The following FHIT variants were observed in gnomAD, a reference collection of about 807,000 sequenced individuals.
The protein encoded by FHIT is bis(5'-adenosyl)-triphosphatase.
In FHIT, 19 loss-of-function variants were observed where a neutral mutation model predicts 17.9. The ratio of observed to expected loss-of-function variants is 1.06; its 90% confidence interval spans 0.74 to 1.56. The LOEUF (loss-of-function observed/expected upper bound fraction) is 1.56, where lower values mean the gene tolerates loss of function less well. FHIT is among the 40% of genes most tolerant of loss of function. The pLI is 0.00. For missense variants in FHIT, 248 were observed against 189.2 expected (o/e 1.31, Z -1.82); for synonymous variants, 81 against 69.7 (o/e 1.16, Z -0.81).
chr3:60,464,488 A>C (rs1266317901), intron 5 of FHIT, among the ~76,000 whole-genome samples: 2 of 152,018 alleles, frequency 1.3e-5, no homozygotes, highest in Non-Finnish European at 2.9e-5. Flanking sequence ...CTGTGTATGC[A>C]TTAACCATCT....
At chr3:60,031,824 A>G (rs1204800214) in intron 5 of FHIT, among the ~76,000 whole-genome samples, 1 of 152,208 alleles carries the variant, frequency 6.6e-6, no homozygotes, top group Non-Finnish European at 1.5e-5. Flanking sequence ...CATGAATGAA[A>G]AAAATGACAC....
intron 4 of FHIT, among the ~76,000 whole-genome samples, chr3:60,643,544 C>G (rs1325806768): frequency 6.6e-6 from 1 of 152,152 alleles, no homozygotes; most frequent in Non-Finnish European, 1.5e-5. Context: ...CTAAATCCTA[C>G]ATCTAGATTC....
At chr3:60,884,630 A>C (rs1163098594) in intron 3 of FHIT, among the ~76,000 whole-genome samples, 1 of 152,136 alleles carries the variant, frequency 6.6e-6, no homozygotes, top group Non-Finnish European at 1.5e-5. Flanking sequence ...TATGTGAAAT[A>C]AGCCCAACAC....
intron 5 of FHIT, among the ~76,000 whole-genome samples, chr3:60,387,878 C>T (rs1025837492): frequency 2.0e-5 from 3 of 152,076 alleles, no homozygotes; most frequent in Non-Finnish European, 2.9e-5. Flanking sequence ...GTCCCAGGGG[C>T]GGATCCCACA....
chr3:60,164,184 G>A (rs1420913122), intron 5 of FHIT, among the ~76,000 whole-genome samples: 1 of 152,156 alleles, frequency 6.6e-6, no homozygotes, highest in Non-Finnish European at 1.5e-5. Context: ...CAGGTCAGGG[G>A]AAATGAATCC....
chr3:60,584,490 G>A (rs146875816), intron 4 of FHIT, among the ~76,000 whole-genome samples: 199 of 152,000 alleles, frequency 1.3e-3, no homozygotes, highest in African/African-American at 4.6e-3. Context: ...AATGTATTTA[G>A]GATTAATCAC....
In FHIT at chr3:60,528,462, T is replaced by C. The variant is rs147071600; in HGVS notation, c.103+8398A>G. Among the ~76,000 whole-genome samples, 661 of 149,920 alleles carry C rather than the reference T, an allele frequency of 4.4e-3. 3 individuals are homozygous for C. The highest frequency in any genetic ancestry group is 0.015 in the African/African-American group (635 of 41,018). ...AAAAGGAAGGAAGGAAGGAAGGAAATTGCCTCAGTATCCCCCATGCTACAA... is the reference window on the plus strand; with the variant it reads ...AAAAGGAAGGAAGGAAGGAAGGAAACTGCCTCAGTATCCCCCATGCTACAA... On this transcript the variant is annotated intron_variant, in intron 5 of 9. Transcript: ENST00000492590.
At chr3:59,751,231 T>TC (rs1363187747) in intron 9 of FHIT, 166 of 85,588 alleles carry the variant, frequency 1.9e-3, no homozygotes, top group African/African-American at 0.011. Flanking sequence ...GATAGATACA[T>TC]TTCTCTCTCT....
At chr3:60,381,210 G>A (rs1259849420) in intron 5 of FHIT, among the ~76,000 whole-genome samples, 1 of 152,144 alleles carries the variant, frequency 6.6e-6, no homozygotes, top group Non-Finnish European at 1.5e-5. Flanking sequence ...GGGCACGGTG[G>A]CTCACACCTG....
At chr3:61,177,565 G>T (rs2038198060) in intron 2 of FHIT, among the ~76,000 whole-genome samples, 1 of 152,092 alleles carries the variant, frequency 6.6e-6, no homozygotes, top group African/African-American at 2.4e-5. Context: ...AGAACTTTTG[G>T]CTCTCTGACA....
intron 8 of FHIT, among the ~76,000 whole-genome samples, chr3:59,847,237 T>C (rs564576543): frequency 6.6e-6 from 1 of 152,294 alleles, no homozygotes; most frequent in South Asian, 2.1e-4. Context: ...CTTGATGGTG[T>C]ACCACAGGTC....
intron 5 of FHIT, among the ~76,000 whole-genome samples, chr3:60,324,076 G>C (rs371807968): frequency 6.6e-6 from 1 of 152,134 alleles, no homozygotes; most frequent in Non-Finnish European, 1.5e-5. Flanking sequence ...ATGCTGATAA[G>C]AAACAGCTGG....
At chr3:60,198,325 T>C (rs1349418632) in intron 5 of FHIT, among the ~76,000 whole-genome samples, 1 of 152,202 alleles carries the variant, frequency 6.6e-6, no homozygotes. Flanking sequence ...TGTGAATTCC[T>C]AATACAAAGC....
chr3:60,989,540 A>G (rs1575804194), intron 3 of FHIT, among the ~76,000 whole-genome samples: 2 of 152,194 alleles, frequency 1.3e-5, no homozygotes, highest in Admixed American at 1.3e-4. Flanking sequence ...GGAGGTAGGC[A>G]CAATTATTAT....
intron 3 of FHIT, among the ~76,000 whole-genome samples, chr3:60,988,962 A>C (rs1378898391): frequency 2.0e-5 from 3 of 148,698 alleles, no homozygotes; most frequent in South Asian, 2.1e-4. Context: ...AAAAAAAAAA[A>C]AAAAAAAAAA....
intron 3 of FHIT, among the ~76,000 whole-genome samples, chr3:60,842,373 T>A (rs890530431): frequency 6.6e-6 from 1 of 151,710 alleles, no homozygotes; most frequent in Non-Finnish European, 1.5e-5. Context: ...AGAGTGTGAC[T>A]TCTTTTCTAG....
At chr3:60,042,665 C>T (rs571428744) in intron 5 of FHIT, among the ~76,000 whole-genome samples, 2 of 152,200 alleles carry the variant, frequency 1.3e-5, no homozygotes, top group South Asian at 4.2e-4. Context: ...CTGATTACCT[C>T]TGTAAAGGCC....
At chr3:60,923,179 G>C (rs981364434) in intron 3 of FHIT, among the ~76,000 whole-genome samples, 1 of 152,204 alleles carries the variant, frequency 6.6e-6, no homozygotes, top group Non-Finnish European at 1.5e-5. Context: ...GTTTACCTAA[G>C]TTGTCATTTT....
chr3:60,492,560 G>T (rs1230099893), intron 5 of FHIT, among the ~76,000 whole-genome samples: 1 of 150,560 alleles, frequency 6.6e-6, no homozygotes, highest in Non-Finnish European at 1.5e-5. Flanking sequence ...AGGCTGGAGT[G>T]CAATGGTGTG....
Sources: allele counts gnomAD v4.1 joint callset (sites outside exome capture counted in the v4.1 genomes callset), GRCh38; gene constraint gnomAD v4.1.1; transcripts MANE v1.5; gene names NCBI Gene and HGNC (gene_info 2026-07-23, HGNC 2026-07-21).